TSPAN15: variants seen among roughly 807,000 people sequenced by gnomAD.
TSPAN15 encodes tetraspanin 15.
In TSPAN15, 20 loss-of-function variants were observed where a neutral mutation model predicts 34.5. The observed-to-expected ratio is 0.58, with a 90% confidence interval of 0.41 to 0.84. TSPAN15 has a LOEUF of 0.84. Ranked by LOEUF, TSPAN15 falls within the 40% of genes least tolerant of loss-of-function variation. TSPAN15 has a pLI of 0.00. For synonymous variants in TSPAN15, 155 were observed against 153.9 expected (o/e 1.01, Z -0.05); for missense variants, 313 against 386.1 (o/e 0.81, Z 1.59).
downstream of TSPAN15, among the ~76,000 whole-genome samples, chr10:69,509,656 C>G (rs1032529164): frequency 9.9e-5 from 15 of 152,100 alleles, no homozygotes; most frequent in African/African-American, 3.6e-4. Context: ...GAAGTCCTTG[C>G]CCATGCCTAT....
intron 1 of TSPAN15, among the ~76,000 whole-genome samples, chr10:69,452,177 T>C (rs1445603482): frequency 6.6e-6 from 1 of 152,204 alleles, no homozygotes; most frequent in East Asian, 1.9e-4. Flanking sequence ...TGGTTTCCTC[T>C]TTGGTGGATG....
At position 69,495,489 on chromosome 10, in the gene TSPAN15, G is replaced by A. The variant is rs533921641; in HGVS notation, c.358-105G>A. The A allele has an allele frequency of 1.4e-5, 11 of 813,566 alleles. No individual in the cohort carries two copies. The East Asian group carries it at 2.5e-4, about 19-fold the overall frequency. 50.4% of individuals were successfully genotyped at this position (813,566 alleles called of 1,614,324 possible). A position where few individuals can be genotyped will look rare whatever the true frequency, so the allele number is the denominator to read the frequency against. On this transcript the variant is annotated intron_variant, in intron 3 of 7. Coordinates refer to ENST00000373290, the MANE Select transcript of TSPAN15 (RefSeq NM_012339.5). ...GCTCCATGCTGGCTGGGCGCGAGCT[G>A]CATTGGCACAAGGCATTCTCTACCC...
At chr10:69,460,345 T>G (rs1841224962) in intron 1 of TSPAN15, among the ~76,000 whole-genome samples, 1 of 152,050 alleles carries the variant, frequency 6.6e-6, no homozygotes, top group Non-Finnish European at 1.5e-5. Context: ...CAGCCCTCGG[T>G]CAGCATGAGT....
intron 3 of TSPAN15, among the ~76,000 whole-genome samples, chr10:69,487,803 T>A (rs28589539): frequency 0.073 from 11,126 of 152,198 alleles, 1,324 homozygotes; most frequent in African/African-American, 0.25. Context: ...AGCTTGGGTT[T>A]CCGTGGGCCT....
the TSPAN15 span, among the ~76,000 whole-genome samples, chr10:69,541,578 A>G: frequency 6.6e-6 from 1 of 152,150 alleles, no homozygotes; most frequent in East Asian, 1.9e-4. Flanking sequence ...CCATCCCCAC[A>G]TTTCCCTTCC....
chr10:69,507,124 C>A lies in TSPAN15; in HGVS notation c.*146C>A. The A allele has an allele frequency of 6.9e-7, 1 of 1,456,306 alleles. No homozygotes were observed. Among genetic ancestry groups the A allele is most frequent in the Non-Finnish European group, 9.0e-7 (1 of 1,108,502 alleles). The allele number at this position is 1,456,306 out of a possible 1,614,324, so 90.2% of individuals were successfully genotyped here. A position where few individuals can be genotyped will look rare whatever the true frequency, so the allele number is the denominator to read the frequency against. On this transcript the variant is annotated 3_prime_UTR_variant, in exon 8 of 8. Coordinates refer to ENST00000373290, the MANE Select transcript of TSPAN15 (RefSeq NM_012339.5). ...GGCTGTGTGTGCCTGTGTGTAGGTCCCACGGCCTCTGCCTCCCCAGGGAGC... is the reference window on the plus strand; with the variant it reads ...GGCTGTGTGTGCCTGTGTGTAGGTCACACGGCCTCTGCCTCCCCAGGGAGC...
chr10:69,513,029 T>C, the TSPAN15 span, among the ~76,000 whole-genome samples: 1 of 152,224 alleles, frequency 6.6e-6, no homozygotes, highest in East Asian at 1.9e-4. Context: ...CCAAAGTGGT[T>C]GCACAATTTT....
At chr10:69,461,024 G>T (rs1841241389) in intron 1 of TSPAN15, among the ~76,000 whole-genome samples, 1 of 152,166 alleles carries the variant, frequency 6.6e-6, no homozygotes, top group East Asian at 1.9e-4. Context: ...TGCCCACAGG[G>T]GTGAGGCTTA....
chr10:69,517,818 A>G, the TSPAN15 span, among the ~76,000 whole-genome samples: 2 of 152,262 alleles, frequency 1.3e-5, no homozygotes, highest in African/African-American at 2.4e-5. Context: ...AGGGCAACCC[A>G]TGCATCCAAT....
At chr10:69,467,088 C>G (rs1232456537) in intron 1 of TSPAN15, among the ~76,000 whole-genome samples, 2 of 152,170 alleles carry the variant, frequency 1.3e-5, no homozygotes, top group Non-Finnish European at 2.9e-5. Context: ...TCGCATGCAT[C>G]TTCTCTTGTC....
chr10:69,490,880 T>G (rs1841953793), intron 3 of TSPAN15, among the ~76,000 whole-genome samples: 1 of 152,248 alleles, frequency 6.6e-6, no homozygotes, highest in Admixed American at 6.5e-5. Flanking sequence ...CCATCCACTG[T>G]TGTTTGAATC....
chr10:69,520,843 G>A, the TSPAN15 span, among the ~76,000 whole-genome samples: 1 of 152,208 alleles, frequency 6.6e-6, no homozygotes, highest in African/African-American at 2.4e-5. Flanking sequence ...ACATCTAGAA[G>A]TGGAGTTGCT....
chr10:69,459,105 C>CAAAAAAAAA (rs1259881929), intron 1 of TSPAN15, among the ~76,000 whole-genome samples: 15 of 57,552 alleles, frequency 2.6e-4, no homozygotes, highest in South Asian at 5.8e-4. Flanking sequence ...ACAAAACAGA[C>CAAAAAAAAA]AAAAAAAAAA....
At chr10:69,504,187 G>A (rs1842274592) in intron 5 of TSPAN15, among the ~76,000 whole-genome samples, 1 of 144,750 alleles carries the variant, frequency 6.9e-6, no homozygotes, top group African/African-American at 2.6e-5. Context: ...TGCTGCTAGT[G>A]GAGGGGTGGT....
intron 1 of TSPAN15, among the ~76,000 whole-genome samples, chr10:69,463,226 C>T (rs1334866034): frequency 6.6e-6 from 1 of 152,188 alleles, no homozygotes; most frequent in Non-Finnish European, 1.5e-5. Flanking sequence ...ATAATTTTTC[C>T]TCCTTCAATG....
chr10:69,455,573 CT>C (rs57849422), intron 1 of TSPAN15, among the ~76,000 whole-genome samples: 8 of 124,310 alleles, frequency 6.4e-5, no homozygotes, highest in South Asian at 2.6e-4. Context: ...CTTTCTTTCT[CT>C]TTTCTTTCTT....
At chr10:69,498,217 C>T (rs1842127138) in intron 4 of TSPAN15, 63 bp from the exon 5 acceptor site, 1 of 1,482,458 alleles carries the variant, frequency 6.7e-7, no homozygotes, top group Non-Finnish European at 9.4e-7. Flanking sequence ...AGGGCCCCTT[C>T]CTGTCGTCTG....
the TSPAN15 span, among the ~76,000 whole-genome samples, chr10:69,547,688 G>A: frequency 5.4e-4 from 82 of 152,092 alleles, no homozygotes; most frequent in African/African-American, 1.9e-3. Flanking sequence ...AGTAGGAAAG[G>A]GAATTTATTG....
At chr10:69,484,087 T>C (rs534260967) in intron 2 of TSPAN15, 90 of 495,012 alleles carry the variant, frequency 1.8e-4, no homozygotes, top group Non-Finnish European at 2.9e-4. Context: ...ATACTGTTCT[T>C]ACTTAAACTC....
Sources: gnomAD v4.1 joint callset for allele counts (sites outside exome capture counted in the v4.1 genomes callset) on GRCh38, gnomAD v4.1.1 for gene constraint, MANE v1.5 for transcripts, NCBI Gene and HGNC (gene_info 2026-07-23, HGNC 2026-07-21) for gene names.